IQSEC1: variants seen among roughly 807,000 people sequenced by gnomAD.
The protein encoded by IQSEC1 is IQ motif and Sec7 domain ArfGEF 1.
In IQSEC1, 31 loss-of-function variants were observed where a neutral mutation model predicts 91.0. The observed-to-expected ratio is 0.34, with a 90% confidence interval of 0.26 to 0.46. IQSEC1 has a LOEUF of 0.46. Among genes scored for constraint, IQSEC1 ranks in the 20% least tolerant of loss-of-function variants. The probability of loss-of-function intolerance (pLI) is 1.00; values close to 1 mark genes in which losing one functional copy is unlikely to be tolerated. For missense variants in IQSEC1, 1,388 were observed against 1,575.6 expected, an observed-to-expected ratio of 0.88 and a Z score of 2.02; for synonymous variants, 699 against 662.6, an observed-to-expected ratio of 1.05 and a Z score of -0.84.
rs547610707 is a variant in IQSEC1 at position 13,190,776 on chromosome 3, C to T, written c.273-26643G>A. 4.6e-5 allele frequency among the ~76,000 whole-genome samples: 7 copies of T among 152,314 alleles called. No individual in the cohort carries two copies. In the South Asian group the frequency reaches 1.4e-3, roughly 32 times the overall value. ...CTACATACATAAACACTGTAAGTTG[C>T]TTGAGAGTAAGCCGTAAGTTAAAGG... On this transcript the variant is annotated intron_variant, in intron 1 of 15. Coordinates refer to the IQSEC1 transcript ENST00000648114.
chr3:13,033,109 C>A (rs1703909036), intron 1 of IQSEC1, among the ~76,000 whole-genome samples: 1 of 152,072 alleles, frequency 6.6e-6, no homozygotes. Flanking sequence ...TTTTTGGCAC[C>A]CCTTAAATTC....
intron 2 of IQSEC1, among the ~76,000 whole-genome samples, chr3:13,085,779 T>C (rs1049667039): frequency 1.7e-4 from 26 of 152,352 alleles, no homozygotes; most frequent in African/African-American, 6.0e-4. Context: ...CGTCTGAGAC[T>C]CGTCGCTGGC....
At chr3:12,980,475 A>G (rs1424331070) in intron 1 of IQSEC1, among the ~76,000 whole-genome samples, 8 of 152,218 alleles carry the variant, frequency 5.3e-5, no homozygotes, top group Non-Finnish European at 7.4e-5. Context: ...ATTTCCATAA[A>G]TAACTGTAAT....
chr3:13,017,772 A>C (rs1371621596), intron 1 of IQSEC1, among the ~76,000 whole-genome samples: 2 of 152,120 alleles, frequency 1.3e-5, no homozygotes, highest in Non-Finnish European at 2.9e-5. Flanking sequence ...GGGCTGAGGC[A>C]ATGGTGAGGC....
chr3:13,015,009 T>C (rs1306588128), intron 1 of IQSEC1, among the ~76,000 whole-genome samples: 2 of 152,124 alleles, frequency 1.3e-5, no homozygotes, highest in Non-Finnish European at 2.9e-5. Flanking sequence ...TTGTGTTCCC[T>C]CAGCCATAAA....
intron 1 of IQSEC1, among the ~76,000 whole-genome samples, chr3:13,213,828 G>C (rs1694490108): frequency 6.6e-6 from 1 of 152,114 alleles, no homozygotes; most frequent in South Asian, 2.1e-4. Flanking sequence ...TAAGTGCCTA[G>C]GCCATCTCAG....
intron 1 of IQSEC1, among the ~76,000 whole-genome samples, chr3:13,013,675 T>C (rs1702990107): frequency 1.3e-5 from 2 of 152,166 alleles, no homozygotes; most frequent in African/African-American, 4.8e-5. Flanking sequence ...CATGCATGCA[T>C]TGCGTTAGTC....
intron 1 of IQSEC1, among the ~76,000 whole-genome samples, chr3:13,004,721 G>A (rs576550131): frequency 6.6e-6 from 1 of 152,272 alleles, no homozygotes; most frequent in East Asian, 1.9e-4. Flanking sequence ...GTGGCTGGGG[G>A]CTGTCCAGGT....
At chr3:13,108,592 T>C (rs906334519) in intron 2 of IQSEC1, among the ~76,000 whole-genome samples, 36 of 152,148 alleles carry the variant, frequency 2.4e-4, no homozygotes, top group African/African-American at 8.7e-4. Flanking sequence ...CATTGTGAGC[T>C]AGACTTGGTG....
At chr3:12,976,341 A>G (rs1254658796) in intron 1 of IQSEC1, among the ~76,000 whole-genome samples, 1 of 152,198 alleles carries the variant, frequency 6.6e-6, no homozygotes, top group African/African-American at 2.4e-5. Flanking sequence ...ACAGTGGGGA[A>G]GCGGTCCTTG....
At chr3:12,919,933 C>T (rs1696462081) in intron 6 of IQSEC1, among the ~76,000 whole-genome samples, 2 of 152,224 alleles carry the variant, frequency 1.3e-5, no homozygotes, top group Non-Finnish European at 2.9e-5. Context: ...GGCAGGGAGC[C>T]GGGTCTGCAC....
intron 1 of IQSEC1, among the ~76,000 whole-genome samples, chr3:13,231,135 A>C (rs1694832384): frequency 6.6e-6 from 1 of 152,254 alleles, no homozygotes; most frequent in Non-Finnish European, 1.5e-5. Flanking sequence ...TATTCTTCTT[A>C]GGACCTCAAA....
At chr3:13,160,312 G>C (rs1312215057) in intron 2 of IQSEC1, among the ~76,000 whole-genome samples, 1 of 152,058 alleles carries the variant, frequency 6.6e-6, no homozygotes, top group African/African-American at 2.4e-5. Flanking sequence ...GTCTCTCAGG[G>C]CTATCCTTAA....
intron 6 of IQSEC1, among the ~76,000 whole-genome samples, chr3:12,916,811 C>G (rs192201472): frequency 6.6e-6 from 1 of 152,326 alleles, no homozygotes; most frequent in East Asian, 1.9e-4. Context: ...CTACTTACTA[C>G]GCACCTGCCA....
Position 13,055,749 on chromosome 3 carries a change from CTG to C in IQSEC1, c.23+17241_23+17242del, listed in dbSNP as rs373000924. On this transcript the variant is annotated intron_variant, in intron 1 of 13. Transcript: ENST00000613206. Reference sequence around the variant, plus strand: ...AGCTGCCTCAAGGAAGAGGCGATCACTGGGCCAAGGTCACAGAGGGAGTACAT... The same window carrying C: ...AGCTGCCTCAAGGAAGAGGCGATCACGGCCAAGGTCACAGAGGGAGTACAT... 5.1e-3 allele frequency among the ~76,000 whole-genome samples: 780 copies of C among 152,368 alleles called. 7 individuals carry two copies. The highest frequency in any genetic ancestry group is 0.016 in the African/African-American group (672 of 41,582).
In IQSEC1 at chr3:12,940,241, G is replaced by A. The variant is rs79217497; in HGVS notation, c.318+1330C>T. 3.4e-3 allele frequency among the ~76,000 whole-genome samples: 521 copies of A among 152,076 alleles called. 16 individuals are homozygous for A. The East Asian group carries it at 0.076, about 22-fold the overall frequency. ...GCACCGACAGCCAGGTGAGGAAGGG[G>A]CTGATGGGGGCTTCCCTGTCAAGAG... On this transcript the variant is annotated intron_variant, in intron 2 of 13. Coordinates refer to ENST00000613206, the MANE Select transcript of IQSEC1 (RefSeq NM_001134382.3). This position sits in a 1 kb window ranked among gnomAD's most constrained non-coding sequence, Gnocchi z 4.4.
chr3:13,223,054 A>C (rs886683892), intron 1 of IQSEC1, among the ~76,000 whole-genome samples: 4 of 152,224 alleles, frequency 2.6e-5, no homozygotes, highest in African/African-American at 9.6e-5. Flanking sequence ...TGGTTCTAGA[A>C]GGCTCTGCCA....
At chr3:13,236,545 T>A (rs1396866389) in intron 1 of IQSEC1, among the ~76,000 whole-genome samples, 8 of 152,180 alleles carry the variant, frequency 5.3e-5, no homozygotes, top group Non-Finnish European at 1.2e-4. Flanking sequence ...GCTCACTACC[T>A]GTCAAGGGCC....
chr3:13,095,751 A>C (rs1381944613), intron 2 of IQSEC1, among the ~76,000 whole-genome samples: 1 of 152,170 alleles, frequency 6.6e-6, no homozygotes, highest in Non-Finnish European at 1.5e-5. Context: ...AGAGGGCTCC[A>C]GATGCAGCAG....
Sources: allele counts gnomAD v4.1 joint callset (sites outside exome capture counted in the v4.1 genomes callset), GRCh38; gene constraint gnomAD v4.1.1; non-coding constraint Gnocchi (gnomAD v3.1); transcripts MANE v1.5; gene names NCBI Gene and HGNC (gene_info 2026-07-23, HGNC 2026-07-21).